NKAIN3: variants seen among roughly 807,000 people sequenced by gnomAD.
NKAIN3 encodes sodium/potassium transporting ATPase interacting 3, also known as sodium/potassium-transporting ATPase subunit beta-1-interacting protein 3.
A neutral mutation model predicts 30.2 loss-of-function variants in NKAIN3; 25 were observed. The observed-to-expected ratio is 0.83, with a 90% CI of 0.60 to 1.16. The LOEUF (loss-of-function observed/expected upper bound fraction) is 1.16. Ranked by LOEUF, NKAIN3 falls within the 50% of genes most tolerant of loss-of-function variation. NKAIN3 has a pLI of 0.00. For missense variants in NKAIN3, 225 were observed against 254.1 expected (o/e 0.89, Z 0.78); for synonymous variants, 91 against 89.6 (o/e 1.02, Z -0.09).
intron 1 of NKAIN3, among the ~76,000 whole-genome samples, chr8:62,578,691 A>C (rs1398652373): frequency 6.6e-6 from 1 of 151,966 alleles, no homozygotes; most frequent in African/African-American, 2.4e-5. Flanking sequence ...TACTAGTTCT[A>C]GTGTCACAAG....
At chr8:62,957,492 G>A (rs1823452724) in intron 6 of NKAIN3, among the ~76,000 whole-genome samples, 1 of 152,152 alleles carries the variant, frequency 6.6e-6, no homozygotes, top group African/African-American at 2.4e-5. Flanking sequence ...GTCCTCCGTA[G>A]GTGAATGGAT....
intron 4 of NKAIN3, among the ~76,000 whole-genome samples, chr8:62,764,597 T>C (rs1030904453): frequency 6.6e-6 from 1 of 152,130 alleles, no homozygotes; most frequent in African/African-American, 2.4e-5. Flanking sequence ...CCTAAATAGC[T>C]AGAACTACAA....
intron 4 of NKAIN3, among the ~76,000 whole-genome samples, chr8:62,889,523 G>C (rs544807965): frequency 3.4e-4 from 52 of 152,274 alleles, no homozygotes; most frequent in African/African-American, 1.2e-3. Context: ...CAAGGAGGGA[G>C]CCATCACTTC....
At chr8:62,845,619 G>A (rs1819668521) in intron 4 of NKAIN3, among the ~76,000 whole-genome samples, 1 of 151,994 alleles carries the variant, frequency 6.6e-6, no homozygotes, top group Non-Finnish European at 1.5e-5. Flanking sequence ...CAGAAGATGT[G>A]AAATAAAATC....
intron 4 of NKAIN3, among the ~76,000 whole-genome samples, chr8:62,861,793 AGAG>A (rs1451350734): frequency 6.6e-6 from 1 of 152,202 alleles, no homozygotes. Context: ...CTCCTTGTCA[AGAG>A]GAGAAGCAAG....
chr8:62,319,154 C>G lies in NKAIN3; in HGVS notation c.54+70027C>G, dbSNP rs758798878. On this transcript the variant is annotated intron_variant, in intron 1 of 6. Coordinates refer to ENST00000623646, the MANE Select transcript of NKAIN3 (RefSeq NM_001304533.3). ...TTATAGTATTCTCTGATGGTAGTTTCTATTTCTGTGGGATCAGTGGTGATA... is the reference window on the plus strand; with the variant it reads ...TTATAGTATTCTCTGATGGTAGTTTGTATTTCTGTGGGATCAGTGGTGATA... Among the ~76,000 whole-genome samples, 20 of 151,878 alleles carry G rather than the reference C, an allele frequency of 1.3e-4. 1 individual carries two copies. The highest frequency in any genetic ancestry group is 4.3e-4 in the African/African-American group (18 of 41,526).
downstream of NKAIN3, among the ~76,000 whole-genome samples, chr8:62,989,467 C>G (rs1218105812): frequency 1.3e-5 from 2 of 152,076 alleles, no homozygotes; most frequent in Non-Finnish European, 2.9e-5. Context: ...TAGGGTAACT[C>G]CCCCTTACAA....
At chr8:62,577,469 T>G (rs1242104238) in intron 1 of NKAIN3, among the ~76,000 whole-genome samples, 2 of 145,630 alleles carry the variant, frequency 1.4e-5, no homozygotes, top group Non-Finnish European at 3.0e-5. Flanking sequence ...TTTTGTTGTT[T>G]TTTTTTTGGT....
Position 62,666,512 on chromosome 8 carries a change from T to C in NKAIN3, c.273+76718T>C, listed in dbSNP as rs567788665. On this transcript the variant is annotated intron_variant, in intron 3 of 6. Transcript: ENST00000623646. ...TGCATTTATGAAGGAAGATTATGTA[T>C]GCATATTTTGTTATGTTTGTAGTTT... Among the ~76,000 whole-genome samples, 6 of 152,330 alleles carry C rather than the reference T, an allele frequency of 3.9e-5. No homozygotes were observed. In the East Asian group the frequency reaches 5.8e-4, roughly 15 times the overall value.
intron 1 of NKAIN3, among the ~76,000 whole-genome samples, chr8:62,499,279 G>A (rs771656050): frequency 2.0e-5 from 3 of 151,946 alleles, no homozygotes; most frequent in Non-Finnish European, 4.4e-5. Context: ...TGTTCTTTTT[G>A]CTGCCTTTCT....
chr8:62,788,143 C>T (rs1369961309), intron 4 of NKAIN3, among the ~76,000 whole-genome samples: 4 of 152,200 alleles, frequency 2.6e-5, no homozygotes, highest in Non-Finnish European at 4.4e-5. Context: ...AACTAGTTTA[C>T]AGTCTCACCA....
At chr8:62,648,987 C>T (rs1812550698) in intron 3 of NKAIN3, among the ~76,000 whole-genome samples, 1 of 152,168 alleles carries the variant, frequency 6.6e-6, no homozygotes, top group Non-Finnish European at 1.5e-5. Flanking sequence ...GGATTCTCTT[C>T]AGCCAGGAAT....
chr8:62,651,256 T>G (rs1812611374), intron 3 of NKAIN3, among the ~76,000 whole-genome samples: 1 of 152,200 alleles, frequency 6.6e-6, no homozygotes, highest in African/African-American at 2.4e-5. Context: ...TATTCATATT[T>G]TATATTCATA....
At chr8:62,922,490 A>G (rs190805060) in intron 5 of NKAIN3, among the ~76,000 whole-genome samples, 209 of 151,928 alleles carry the variant, frequency 1.4e-3, no homozygotes, top group African/African-American at 4.9e-3. Flanking sequence ...TAAGGTGACC[A>G]CAAGGCCAGA....
At chr8:62,399,966 G>A (rs1458779291) in intron 1 of NKAIN3, among the ~76,000 whole-genome samples, 2 of 152,014 alleles carry the variant, frequency 1.3e-5, no homozygotes, top group Admixed American at 6.6e-5. Flanking sequence ...GGAGAGAGAG[G>A]GACAGTATAT....
At chr8:62,573,418 T>G (rs1257076303) in intron 1 of NKAIN3, among the ~76,000 whole-genome samples, 1 of 152,168 alleles carries the variant, frequency 6.6e-6, no homozygotes, top group African/African-American at 2.4e-5. Context: ...TCAATATACA[T>G]GAAAATCATG....
At chr8:62,410,763 A>G (rs948387845) in intron 1 of NKAIN3, among the ~76,000 whole-genome samples, 1 of 152,232 alleles carries the variant, frequency 6.6e-6, no homozygotes, top group African/African-American at 2.4e-5. Flanking sequence ...CAAGATCTAG[A>G]GAAAATGATG....
At chr8:62,458,924 C>T (rs1379053018) in intron 1 of NKAIN3, among the ~76,000 whole-genome samples, 1 of 152,124 alleles carries the variant, frequency 6.6e-6, no homozygotes, top group African/African-American at 2.4e-5. Flanking sequence ...CTTTAGAATT[C>T]TTTATCTTTC....
intron 4 of NKAIN3, among the ~76,000 whole-genome samples, chr8:62,874,029 A>C (rs1324772152): frequency 1.3e-5 from 2 of 152,104 alleles, no homozygotes; most frequent in South Asian, 4.1e-4. Context: ...CCCTCCAAAA[A>C]ATCAACGAAT....
Sources: gnomAD v4.1 joint callset for allele counts (sites outside exome capture counted in the v4.1 genomes callset) on GRCh38, gnomAD v4.1.1 for gene constraint, MANE v1.5 for transcripts, NCBI Gene and HGNC (gene_info 2026-07-23, HGNC 2026-07-21) for gene names.